ZNF550: variants seen among roughly 807,000 people sequenced by gnomAD.
ZNF550 encodes the protein zinc finger protein 550.
A neutral mutation model predicts 40.2 loss-of-function variants in ZNF550; 42 were observed. The ratio of observed to expected loss-of-function variants is 1.05; its 90% CI spans 0.82 to 1.35. ZNF550 has a LOEUF of 1.35. Among genes scored for constraint, ZNF550 ranks in the 40% most tolerant of loss-of-function variants. The pLI, the probability that ZNF550 is intolerant of heterozygous loss-of-function variation, is 0.00. For missense variants in ZNF550, 549 were observed against 525.2 expected (o/e 1.05, Z -0.44); for synonymous variants, 223 against 198.6 (o/e 1.12, Z -1.03).
chr19:57,556,459 G>C (rs1411845314), intron 1 of ZNF550, 102 bp from the exon 2 acceptor site: 1 of 1,457,088 alleles, frequency 6.9e-7, no homozygotes, highest in Non-Finnish European at 9.3e-7. Context: ...ATCCAGGTCT[G>C]AATCAACTAG....
At chr19:57,559,266 G>C (rs1283622792) in intron 1 of ZNF550, among the ~76,000 whole-genome samples, 1 of 152,062 alleles carries the variant, frequency 6.6e-6, no homozygotes, top group Middle Eastern at 3.2e-3. Flanking sequence ...CTCAACCCCG[G>C]GGGGGGGAAG....
At chr19:57,547,619 C>T (rs771957702) in exon 4 of ZNF550, 1 of 1,614,174 alleles carries the variant, frequency 6.2e-7, no homozygotes, top group Non-Finnish European at 8.5e-7. Flanking sequence ...AAACCTTTCC[C>T]ACACTGCTTG....
At chr19:57,542,010 C>T (rs1276546387) in exon 5 of ZNF550, 1 of 151,836 alleles carries the variant, frequency 6.6e-6, no homozygotes, top group Non-Finnish European at 1.5e-5. Context: ...TAAAGTACCC[C>T]ACCATAAACA....
rs961860684 is a variant in ZNF550, at chr19:57,544,491, T to C, written c.*519-1248A>G. 2.0e-5 allele frequency: 20 copies of C among 985,212 alleles called. No individual in the cohort carries two copies. The South Asian group carries it at 6.6e-4, about 32-fold the overall frequency. 61.0% of individuals were successfully genotyped at this position (985,212 alleles called of 1,614,324 possible). ...GGTACAAGTACAGCCACAGCTACAATACATGCAGCCTTCCAGAGAGAGGAT... is the reference window on the plus strand; with the variant it reads ...GGTACAAGTACAGCCACAGCTACAACACATGCAGCCTTCCAGAGAGAGGAT... On this transcript the variant is annotated intron_variant, in intron 4 of 4. Coordinates refer to ENST00000457177, the Ensembl canonical transcript of ZNF550.
intron 4 of ZNF550, chr19:57,543,996 A>G: frequency 1.0e-6 from 1 of 985,488 alleles, no homozygotes; most frequent in Non-Finnish European, 1.2e-6. Flanking sequence ...AACATACAGA[A>G]GTTCACAACT....
rs1201055409 is a variant in ZNF550 at position 57,544,314 on chromosome 19, A to G, written c.*519-1071T>C. 1.5e-5 allele frequency: 15 copies of G among 985,350 alleles called. 1 individual carries two copies. The highest frequency in any genetic ancestry group is 1.6e-5 in the Non-Finnish European group (13 of 829,948). The allele number at this position is 985,350 out of a possible 1,614,324, so 61.0% of individuals were successfully genotyped here. ...GACTGTATGGAAAGAGCTGGAAGCT[A>G]AGAAAAACCTAGGGTGTCCTTTATC... is the stretch of plus-strand genomic sequence containing the variant. On this transcript the variant is annotated intron_variant, in intron 4 of 4. Transcript: ENST00000457177.
At chr19:57,552,806 G>T in intron 2 of ZNF550, 84 bp from the exon 3 acceptor site, 1 of 1,005,686 alleles carries the variant, frequency 9.9e-7, no homozygotes. Context: ...TTCATGACAG[G>T]GTCCAGACAT....
At chr19:57,557,089 G>A (rs1173743699) in intron 1 of ZNF550, 1 of 151,988 alleles carries the variant, frequency 6.6e-6, no homozygotes, top group Non-Finnish European at 1.5e-5. Context: ...GTGGCCTCGT[G>A]GGAAGGGAAA....
exon 5 of ZNF550, chr19:57,543,195 T>G: frequency 8.4e-6 from 8 of 952,920 alleles, no homozygotes; most frequent in Non-Finnish European, 1.0e-5. Flanking sequence ...TATGTTTTTA[T>G]TCCGTCAGCA....
At chr19:57,551,743 G>A (rs943466992) in intron 3 of ZNF550, among the ~76,000 whole-genome samples, 1 of 152,186 alleles carries the variant, frequency 6.6e-6, no homozygotes, top group Admixed American at 6.5e-5. Context: ...AGCCCAAGGG[G>A]AGAGCCCATG....
chr19:57,559,525 C>T (rs1037997929), intron 1 of ZNF550, 131 bp downstream of exon 1: 6 of 877,028 alleles, frequency 6.8e-6, no homozygotes, highest in Non-Finnish European at 9.2e-6. Flanking sequence ...GACCGCGCGA[C>T]CCCCTTCTAG....
intron 1 of ZNF550, 77 bp from the exon 2 acceptor site, chr19:57,556,434 T>C (rs2090122177): frequency 6.5e-7 from 1 of 1,538,046 alleles, no homozygotes; most frequent in East Asian, 2.3e-5. Context: ...CAGTCTCTAG[T>C]CAATGTGCAG....
At chr19:57,547,406 T>A in exon 4 of ZNF550, 1 of 1,609,890 alleles carries the variant, frequency 6.2e-7, no homozygotes, top group Non-Finnish European at 8.5e-7. Context: ...CCAGTGTGGA[T>A]TGGATGGTGC....
intron 1 of ZNF550, chr19:57,557,260 A>G (rs1248127872): frequency 2.0e-5 from 3 of 151,942 alleles, no homozygotes; most frequent in Non-Finnish European, 2.9e-5. Flanking sequence ...CGTACATTCT[A>G]TTTACTGAGA....
exon 4 of ZNF550, chr19:57,547,205 C>T: frequency 6.2e-7 from 1 of 1,611,602 alleles, no homozygotes. Context: ...TTTCCACATG[C>T]CATGCAATCA....
intron 3 of ZNF550, among the ~76,000 whole-genome samples, chr19:57,552,226 C>T (rs2090078576): frequency 6.6e-6 from 1 of 152,166 alleles, no homozygotes; most frequent in Non-Finnish European, 1.5e-5. Context: ...AAACCAAACC[C>T]ATTAATTCTT....
At chr19:57,546,970 T>A (rs1348677289) in exon 4 of ZNF550, 1 of 1,597,802 alleles carries the variant, frequency 6.3e-7, no homozygotes, top group African/African-American at 1.3e-5. Flanking sequence ...AGCAATAGGG[T>A]TCTCTCATGT....
chr19:57,544,861 C>T (rs990399481), intron 4 of ZNF550, among the ~76,000 whole-genome samples: 5 of 152,204 alleles, frequency 3.3e-5, no homozygotes, highest in Admixed American at 3.3e-4. Context: ...GTGGCTCACA[C>T]CTGTAATCCC....
chr19:57,547,556 G>C (rs145416022), exon 4 of ZNF550: 2 of 1,614,178 alleles, frequency 1.2e-6, no homozygotes, highest in Non-Finnish European at 1.7e-6. Context: ...CATTCATAGG[G>C]TTTCATTCCA....
Sources: allele counts gnomAD v4.1 joint callset (sites outside exome capture counted in the v4.1 genomes callset), GRCh38; gene constraint gnomAD v4.1.1; transcripts MANE v1.5; gene names NCBI Gene and HGNC (gene_info 2026-07-23, HGNC 2026-07-21).